Variants in ABLIM2 observed in about 807,000 individuals in gnomAD.
ABLIM2 encodes actin-binding LIM protein 2.
A neutral mutation model predicts 97.7 loss-of-function variants in ABLIM2; 53 were observed. The ratio of observed to expected loss-of-function variants is 0.54; its 90% CI spans 0.44 to 0.68. ABLIM2 has a LOEUF of 0.68. Among genes scored for constraint, ABLIM2 ranks in the 30% least tolerant of loss-of-function variants. The pLI, the probability that ABLIM2 is intolerant of heterozygous loss-of-function variation, is 0.00. For synonymous variants in ABLIM2, 361 were observed against 345.8 expected, an observed-to-expected ratio of 1.04 and a Z score of -0.49; for missense variants, 835 against 867.2, an observed-to-expected ratio of 0.96 and a Z score of 0.47.
At position 8,002,517 on chromosome 4, in the gene ABLIM2, T is replaced by G. The variant is rs952019614; in HGVS notation, c.1618+5542A>C. On this transcript the variant is annotated intron_variant, in intron 16 of 20. Coordinates refer to ENST00000447017, the MANE Select transcript of ABLIM2 (RefSeq NM_001130083.2). This position sits in a 1 kb window ranked among gnomAD's most constrained non-coding sequence, Gnocchi z 6.1. ...TGTTTTAAACACAGAAAATGCAACA[T>G]CTCCTGTCACGCTCGTGTCGTGCTG... is the stretch of plus-strand genomic sequence containing the variant. 6.6e-6 allele frequency among the ~76,000 whole-genome samples: 1 copy of G among 152,130 alleles called. No individual in the cohort carries two copies. Among genetic ancestry groups the G allele is most frequent in the African/African-American group, 2.4e-5 (1 of 41,410 alleles).
In ABLIM2 at chr4:8,044,709, A is replaced by G. The variant is rs1348852669; in HGVS notation, c.900+455T>C. 6.8e-6 allele frequency among the ~76,000 whole-genome samples: 1 copy of G among 147,200 alleles called. No individual in the cohort carries two copies. The highest frequency in any genetic ancestry group is 1.5e-5 in the Non-Finnish European group (1 of 67,122). On this transcript the variant is annotated intron_variant, in intron 9 of 20. Transcript: ENST00000447017. The surrounding 1 kb of genome is among the most constrained non-coding windows in gnomAD (Gnocchi z 4.4). The stretch of plus-strand genomic sequence containing the variant: ...TCTCTCTCGAACGAACGAAAACGGG[A>G]TCACATAATTTACATCACCCTTAAC...
In ABLIM2 at chr4:7,992,737, G is replaced by T; in HGVS notation, c.1680+129C>A. 1 of 981,586 alleles carries T rather than the reference G, an allele frequency of 1.0e-6. No homozygotes were observed. Among genetic ancestry groups the T allele is most frequent in the Non-Finnish European group, 1.6e-6 (1 of 640,270 alleles). The allele number at this position is 981,586 out of a possible 1,614,324, so 60.8% of individuals were successfully genotyped here. A position where few individuals can be genotyped will look rare whatever the true frequency, so the allele number is the denominator to read the frequency against. ...TGGCAGCCCCTGGGAAGGGCATCAGGCAGAGGCAGGTGGGCCGCGGGGTCC... is the reference window on the plus strand; with the variant it reads ...TGGCAGCCCCTGGGAAGGGCATCAGTCAGAGGCAGGTGGGCCGCGGGGTCC... On this transcript the variant is annotated intron_variant, in intron 17 of 20. Coordinates refer to ENST00000447017, the MANE Select transcript of ABLIM2 (RefSeq NM_001130083.2). The surrounding 1 kb of genome is among the most constrained non-coding windows in gnomAD (Gnocchi z 5.7).
intron 12 of ABLIM2, 28 bp from the exon 13 acceptor site, chr4:8,020,331 A>G (rs757377999): frequency 1.9e-6 from 3 of 1,583,412 alleles, no homozygotes; most frequent in South Asian, 1.1e-5. Flanking sequence ...AAGGCAGCAG[A>G]TAGAAGGGGA....
At chr4:8,013,715 G>T (rs1021162458) in intron 14 of ABLIM2, among the ~76,000 whole-genome samples, 1 of 152,152 alleles carries the variant, frequency 6.6e-6, no homozygotes, top group South Asian at 2.1e-4. Flanking sequence ...TCAGACTCAG[G>T]GCTGCATCGC....
chr4:7,972,100 TC>T (rs1728557952), intron 20 of ABLIM2, among the ~76,000 whole-genome samples: 1 of 152,148 alleles, frequency 6.6e-6, no homozygotes, highest in Non-Finnish European at 1.5e-5. Flanking sequence ...TACAGTGACA[TC>T]ACTGTCATAA....
rs558188304 is a variant in ABLIM2, at chr4:8,044,113, C to T, written c.900+1051G>A. On this transcript the variant is annotated intron_variant, in intron 9 of 20. Coordinates refer to ENST00000447017, the MANE Select transcript of ABLIM2 (RefSeq NM_001130083.2). This position sits in a 1 kb window ranked among gnomAD's most constrained non-coding sequence, Gnocchi z 4.4. ...TCCAACCACTATGAGAGAGGAGGGT[C>T]GAAAAGAAGCACAGCAGACAGCAGA... Among the ~76,000 whole-genome samples, 16 of 152,260 alleles carry T rather than the reference C, an allele frequency of 1.1e-4. No individual in the cohort carries two copies. Among genetic ancestry groups the T allele is most frequent in the African/African-American group, 3.4e-4 (14 of 41,550 alleles).
chr4:8,144,009 C>A (rs1193417260), intron 1 of ABLIM2, among the ~76,000 whole-genome samples: 1 of 152,168 alleles, frequency 6.6e-6, no homozygotes, highest in Non-Finnish European at 1.5e-5. Flanking sequence ...CCACCAGCCC[C>A]CACCCTGAAA....
At chr4:8,117,625 C>G (rs1334262397) in intron 1 of ABLIM2, among the ~76,000 whole-genome samples, 2 of 152,188 alleles carry the variant, frequency 1.3e-5, no homozygotes, top group Admixed American at 1.3e-4. Context: ...TCAGCCTTGC[C>G]TGGGATCCAC....
intron 20 of ABLIM2, among the ~76,000 whole-genome samples, chr4:7,977,134 C>T (rs187739682): frequency 1.4e-4 from 22 of 152,254 alleles, no homozygotes; most frequent in African/African-American, 4.3e-4. Context: ...TGAGTTCTCA[C>T]GAGATCTGAT....
rs1163650872 is a variant in ABLIM2 at position 7,965,982 on chromosome 4, T to C, written c.*1008A>G. 1 of 152,206 alleles carries C rather than the reference T, an allele frequency of 6.6e-6. No homozygotes were observed. The highest frequency in any genetic ancestry group is 2.4e-5 in the African/African-American group (1 of 41,452). The allele number at this position is 152,206 out of a possible 1,614,324, so 9.4% of individuals were successfully genotyped here. On this transcript the variant is annotated 3_prime_UTR_variant, in exon 21 of 21. Transcript: ENST00000447017. ...GTGGAAACCCTTGATTCCAGGGCTT[T>C]GGCCATCAGAGGAGGATGTTTTCTC... is the stretch of plus-strand genomic sequence containing the variant.
At chr4:8,066,427 A>AAGGAAGGAAGGAAGGG (rs1561112371) in intron 6 of ABLIM2, 2 of 127,932 alleles carry the variant, frequency 1.6e-5, no homozygotes, top group Non-Finnish European at 3.3e-5. Context: ...GGAAGGAAGG[A>AAGGAAGGAAGGAAGGG]AGGGAGGGGT....
intron 14 of ABLIM2, among the ~76,000 whole-genome samples, chr4:8,009,919 G>T (rs1292214300): frequency 6.6e-6 from 1 of 152,136 alleles, no homozygotes; most frequent in East Asian, 1.9e-4. Flanking sequence ...GGGCGGTAGG[G>T]GCCAACATGA....
At chr4:8,078,761 G>A (rs2152424371) in intron 5 of ABLIM2, among the ~76,000 whole-genome samples, 1 of 152,326 alleles carries the variant, frequency 6.6e-6, no homozygotes, top group East Asian at 1.9e-4. Context: ...TAATAGTAAG[G>A]ACTAATGAAG....
chr4:8,008,037 C>G (rs780800251), intron 16 of ABLIM2, 22 bp downstream of exon 16: 1 of 1,613,036 alleles, frequency 6.2e-7, no homozygotes, highest in Non-Finnish European at 8.5e-7. Context: ...ATCACGGCTC[C>G]TTCTTCAAAA....
intron 14 of ABLIM2, among the ~76,000 whole-genome samples, chr4:8,013,293 G>A (rs1351127922): frequency 6.7e-6 from 1 of 148,372 alleles, no homozygotes; most frequent in East Asian, 2.0e-4. Context: ...CGCAATCTCG[G>A]CTCACTGCAA....
intron 9 of ABLIM2, among the ~76,000 whole-genome samples, chr4:8,040,243 C>T (rs562461880): frequency 2.6e-5 from 4 of 152,240 alleles, no homozygotes; most frequent in South Asian, 2.1e-4. Context: ...TTTCTGAGAC[C>T]GTGGGGGTGC....
intron 1 of ABLIM2, among the ~76,000 whole-genome samples, chr4:8,154,575 C>T (rs368813632): frequency 6.6e-6 from 1 of 152,238 alleles, no homozygotes; most frequent in South Asian, 2.1e-4. Flanking sequence ...CCACCGCACC[C>T]GGCCAATTAA....
chr4:7,989,929 A>C (rs1158215327), intron 17 of ABLIM2, among the ~76,000 whole-genome samples: 1 of 152,100 alleles, frequency 6.6e-6, no homozygotes, highest in Non-Finnish European at 1.5e-5. Flanking sequence ...CATTCACTTC[A>C]AGGGTAGGTT....
At chr4:8,086,735 T>G (rs1823940065) in intron 4 of ABLIM2, among the ~76,000 whole-genome samples, 1 of 152,164 alleles carries the variant, frequency 6.6e-6, no homozygotes, top group Non-Finnish European at 1.5e-5. Flanking sequence ...ATAGAGCTTT[T>G]GATTACTATC....
Sources: allele counts gnomAD v4.1 joint callset (sites outside exome capture counted in the v4.1 genomes callset), GRCh38; gene constraint gnomAD v4.1.1; non-coding constraint Gnocchi (gnomAD v3.1); transcripts MANE v1.5; gene names NCBI Gene and HGNC (gene_info 2026-07-23, HGNC 2026-07-21).